The following PCDH11X variants were observed in gnomAD, a reference collection of about 807,000 sequenced individuals.
PCDH11X encodes the protein protocadherin 11 X-linked, also known as protocadherin-11 X-linked.
In PCDH11X, 18 loss-of-function variants were observed where a neutral mutation model predicts 53.3. The observed-to-expected ratio is 0.34, with a 90% confidence interval of 0.23 to 0.50. The LOEUF is 0.50. Ranked by LOEUF, PCDH11X falls within the 20% of genes least tolerant of loss-of-function variation. PCDH11X has a pLI of 0.98. For synonymous variants in PCDH11X, 279 were observed against 393.3 expected, an observed-to-expected ratio of 0.71 and a Z score of 3.44; for missense variants, 570 against 1,032.4, an observed-to-expected ratio of 0.55 and a Z score of 6.14.
intron 10 of PCDH11X, among the ~76,000 whole-genome samples, chrX:92,575,631 T>C (rs1479638061): frequency 9.3e-6 from 1 of 108,073 alleles, no homozygotes; most frequent in Admixed American, 1.0e-4. Flanking sequence ...AAATGACTGA[T>C]TGTATAACTA....
intron 10 of PCDH11X, among the ~76,000 whole-genome samples, chrX:92,544,451 G>A (rs1016412128): frequency 6.3e-5 from 7 of 111,313 alleles, no homozygotes; most frequent in South Asian, 3.7e-4. Context: ...CAAATAGTGG[G>A]ACTAGAAAAA....
intron 10 of PCDH11X, among the ~76,000 whole-genome samples, chrX:92,584,911 T>C (rs2750594): frequency 0.32 from 33,438 of 105,034 alleles, 5,184 homozygotes; most frequent in African/African-American, 0.56. Flanking sequence ...CTCCTGCCTC[T>C]GCTTCCAGAG....
intron 6 of PCDH11X, among the ~76,000 whole-genome samples, chrX:91,995,857 T>G (rs2062408314): frequency 9.3e-6 from 1 of 107,358 alleles, no homozygotes; most frequent in Admixed American, 9.9e-5. Context: ...TTTTTGTTTT[T>G]TTTTTTTTTT....
At chrX:92,231,944 T>C (rs1358076477) in intron 7 of PCDH11X, among the ~76,000 whole-genome samples, 1 of 111,560 alleles carries the variant, frequency 9.0e-6, no homozygotes, top group Non-Finnish European at 1.9e-5. Flanking sequence ...CTCACTTCAT[T>C]CCAATGTGAC....
chrX:92,568,198 G>C (rs1240285429), intron 10 of PCDH11X, among the ~76,000 whole-genome samples: 1 of 110,044 alleles, frequency 9.1e-6, no homozygotes. Flanking sequence ...AAGGCGGGCA[G>C]ATCACTAGGT....
intron 9 of PCDH11X, among the ~76,000 whole-genome samples, chrX:92,394,721 T>A (rs769991877): frequency 8.9e-6 from 1 of 112,103 alleles, no homozygotes; most frequent in South Asian, 3.7e-4. Context: ...ATTCAAGATG[T>A]AGCATTTGGG....
chrX:92,288,752 C>A (rs1250421283), intron 8 of PCDH11X, among the ~76,000 whole-genome samples: 1 of 109,683 alleles, frequency 9.1e-6, no homozygotes, highest in African/African-American at 3.3e-5. Context: ...AGATTTTAAT[C>A]TTGATGTGGT....
chrX:91,939,698 T>G (rs2061485644), intron 6 of PCDH11X, among the ~76,000 whole-genome samples: 1 of 110,095 alleles, frequency 9.1e-6, no homozygotes, highest in African/African-American at 3.3e-5. Flanking sequence ...AGGGCTGTCT[T>G]TAAAGTGCTG....
intron 9 of PCDH11X, among the ~76,000 whole-genome samples, chrX:92,393,578 T>A (rs986497406): frequency 5.4e-5 from 6 of 111,040 alleles, no homozygotes; most frequent in African/African-American, 2.0e-4. Flanking sequence ...AATTTAAAAA[T>A]TTCCTTAATA....
intron 6 of PCDH11X, among the ~76,000 whole-genome samples, chrX:92,150,761 T>C (rs752401768): frequency 1.4e-3 from 153 of 110,779 alleles, no homozygotes; most frequent in African/African-American, 5.1e-3. Flanking sequence ...TAAACAACTT[T>C]ATTAGATTTA....
intron 7 of PCDH11X, among the ~76,000 whole-genome samples, chrX:92,232,795 T>C (rs1051449175): frequency 2.5e-4 from 28 of 111,973 alleles, no homozygotes; most frequent in Admixed American, 1.3e-3. Flanking sequence ...TGGCTCACTG[T>C]AAGCTCCGCC....
chrX:92,475,651 G>C (rs947396106), intron 10 of PCDH11X, among the ~76,000 whole-genome samples: 1 of 111,359 alleles, frequency 9.0e-6, no homozygotes, highest in Non-Finnish European at 1.9e-5. Flanking sequence ...TAAATGCTTC[G>C]AGATAGTCTC....
intron 6 of PCDH11X, among the ~76,000 whole-genome samples, chrX:91,920,613 G>A (rs112919768): frequency 0.014 from 1,581 of 111,249 alleles, 39 homozygotes; most frequent in African/African-American, 0.05. Context: ...ATCAAGAATT[G>A]TGTCTTTATT....
intron 9 of PCDH11X, among the ~76,000 whole-genome samples, chrX:92,447,419 C>T (rs193177524): frequency 0.026 from 2,853 of 110,981 alleles, 64 homozygotes; most frequent in African/African-American, 0.071. Flanking sequence ...GCATCCCAGC[C>T]ACTCCAGCCA....
chrX:92,566,596 A>AT (rs779760640), intron 10 of PCDH11X, among the ~76,000 whole-genome samples: 11,641 of 108,593 alleles, frequency 0.11, 888 homozygotes, highest in African/African-American at 0.26. Flanking sequence ...TATTACCCAG[A>AT]GGAATATGAT....
At chrX:92,259,925 G>A (rs907224838) in intron 7 of PCDH11X, among the ~76,000 whole-genome samples, 1 of 111,766 alleles carries the variant, frequency 8.9e-6, no homozygotes, top group Non-Finnish European at 1.9e-5. Context: ...CACCACAGCT[G>A]TGACAGTTGC....
intron 8 of PCDH11X, among the ~76,000 whole-genome samples, chrX:92,265,398 G>A (rs2067807978): frequency 9.0e-6 from 1 of 110,577 alleles, no homozygotes; most frequent in African/African-American, 3.3e-5. Flanking sequence ...CCCGTGGGAA[G>A]GCGAAAATCC....
At chrX:92,352,284 G>C (rs1370918808) in intron 8 of PCDH11X, among the ~76,000 whole-genome samples, 1 of 111,728 alleles carries the variant, frequency 9.0e-6, no homozygotes, top group Non-Finnish European at 1.9e-5. Context: ...TGATAGGTGA[G>C]AAAACTGATG....
intron 6 of PCDH11X, among the ~76,000 whole-genome samples, chrX:92,119,033 G>A (rs1286428344): frequency 2.8e-5 from 3 of 108,976 alleles, no homozygotes; most frequent in Non-Finnish European, 3.8e-5. Flanking sequence ...GAGCCACTGC[G>A]CCCGGCCAAT....
Sources: gnomAD v4.1 joint callset for allele counts (sites outside exome capture counted in the v4.1 genomes callset) on GRCh38, gnomAD v4.1.1 for gene constraint, MANE v1.5 for transcripts, NCBI Gene and HGNC (gene_info 2026-07-23, HGNC 2026-07-21) for gene names.